NAA11: variants seen among roughly 807,000 people sequenced by gnomAD.
NAA11 encodes N-alpha-acetyltransferase 11.
In NAA11, 15 loss-of-function variants were observed where a neutral mutation model predicts 16.1. The observed-to-expected ratio is 0.93, with a 90% CI of 0.62 to 1.44. NAA11 has a LOEUF of 1.44. NAA11 is among the 40% of genes most tolerant of loss of function. The probability of loss-of-function intolerance (pLI) is 0.00; values close to 1 mark genes in which losing one functional copy is unlikely to be tolerated. For missense variants in NAA11, 298 were observed against 291.3 expected, an observed-to-expected ratio of 1.02 and a Z score of -0.17; for synonymous variants, 122 against 112.4, an observed-to-expected ratio of 1.09 and a Z score of -0.54.
In NAA11 at chr4:79,270,038, G is replaced by T. The variant is rs1200941201; in HGVS notation, c.*122+23967C>A. Among the ~76,000 whole-genome samples, 5 of 151,012 alleles carry T rather than the reference G, an allele frequency of 3.3e-5. No individual in the cohort carries two copies. In the East Asian group the frequency reaches 9.7e-4, roughly 29 times the overall value. ...TAGGTATGCGGCGTTATTTCTGAGG[G>T]CTCTGTTCTGTTCCATTGATCTATA... On this transcript the variant is annotated intron_variant and NMD_transcript_variant, in intron 2 of 2. Coordinates refer to the NAA11 transcript ENST00000511542.
intron 2 of NAA11, among the ~76,000 whole-genome samples, chr4:79,237,971 T>C (rs1721607285): frequency 6.6e-6 from 1 of 152,200 alleles, no homozygotes; most frequent in Non-Finnish European, 1.5e-5. Flanking sequence ...CAAAAAAATC[T>C]TTTTAAAGGC....
chr4:79,215,200 T>C, the NAA11 span, among the ~76,000 whole-genome samples: 1 of 152,214 alleles, frequency 6.6e-6, no homozygotes, highest in Non-Finnish European at 1.5e-5. Flanking sequence ...ACTTAGTCAA[T>C]AGTCCTACTA....
chr4:79,216,153 G>A, the NAA11 span, among the ~76,000 whole-genome samples: 1 of 151,796 alleles, frequency 6.6e-6, no homozygotes, highest in Non-Finnish European at 1.5e-5. Context: ...TAGTCCTTTG[G>A]GGAGCAAGGT....
chr4:79,160,379 T>C, the NAA11 span, among the ~76,000 whole-genome samples: 1 of 152,218 alleles, frequency 6.6e-6, no homozygotes, highest in African/African-American at 2.4e-5. Context: ...TTCAATTCTT[T>C]TGATATATTA....
chr4:79,288,578 T>C (rs982634225), intron 2 of NAA11, among the ~76,000 whole-genome samples: 1 of 152,192 alleles, frequency 6.6e-6, no homozygotes, highest in African/African-American at 2.4e-5. Context: ...TATGTACCAA[T>C]ATACTGGCAT....
the NAA11 span, among the ~76,000 whole-genome samples, chr4:79,160,176 G>A: frequency 6.6e-6 from 1 of 151,964 alleles, no homozygotes; most frequent in African/African-American, 2.4e-5. Context: ...ATTTTTAGTA[G>A]AGATGGGGTT....
At chr4:79,211,024 C>T in the NAA11 span, among the ~76,000 whole-genome samples, 8 of 152,128 alleles carry the variant, frequency 5.3e-5, no homozygotes, top group Non-Finnish European at 1.0e-4. Flanking sequence ...TTTTTGTTTG[C>T]TCAAACTATA....
intron 2 of NAA11, among the ~76,000 whole-genome samples, chr4:79,289,733 C>G (rs1362905661): frequency 6.6e-6 from 1 of 152,188 alleles, no homozygotes; most frequent in Admixed American, 6.5e-5. Context: ...TGTTTTACCT[C>G]AAAATAGTAC....
At chr4:79,322,288 C>T (rs1022824757) in intron 1 of NAA11, among the ~76,000 whole-genome samples, 1 of 152,156 alleles carries the variant, frequency 6.6e-6, no homozygotes, top group Non-Finnish European at 1.5e-5. Context: ...GAAACATTTC[C>T]TTCAACTTAG....
intron 1 of NAA11, chr4:79,299,300 T>C (rs1384736836): frequency 6.6e-6 from 1 of 152,220 alleles, no homozygotes; most frequent in Non-Finnish European, 1.5e-5. Context: ...ATGATGCTTA[T>C]GCCCAACCCT....
chr4:79,252,429 G>A (rs1017944735), intron 2 of NAA11, among the ~76,000 whole-genome samples: 4 of 152,060 alleles, frequency 2.6e-5, no homozygotes, highest in South Asian at 2.1e-4. Flanking sequence ...GAATAAAAGA[G>A]GTTGAGCTCC....
chr4:79,295,995 A>C (rs1334667122), intron 1 of NAA11, among the ~76,000 whole-genome samples: 2 of 152,202 alleles, frequency 1.3e-5, no homozygotes, highest in African/African-American at 2.4e-5. Flanking sequence ...AGCTAATATT[A>C]ATAAATGGAT....
the NAA11 span, among the ~76,000 whole-genome samples, chr4:79,201,332 A>G: frequency 6.6e-6 from 1 of 151,726 alleles, no homozygotes; most frequent in Non-Finnish European, 1.5e-5. Context: ...AAATTTCTCT[A>G]CAGAAATACC....
chr4:79,259,482 CT>C (rs1253513331), intron 2 of NAA11, among the ~76,000 whole-genome samples: 1 of 152,190 alleles, frequency 6.6e-6, no homozygotes, highest in Non-Finnish European at 1.5e-5. Context: ...ACCATGCTCA[CT>C]CACTCACACT....
chr4:79,206,318 T>A, the NAA11 span, among the ~76,000 whole-genome samples: 128 of 152,156 alleles, frequency 8.4e-4, no homozygotes, highest in African/African-American at 3.0e-3. Flanking sequence ...TGTTAAGATA[T>A]GCCACCTCCT....
chr4:79,286,283 TTG>T (rs1389532537), intron 2 of NAA11, among the ~76,000 whole-genome samples: 1 of 152,040 alleles, frequency 6.6e-6, no homozygotes, highest in Admixed American at 6.6e-5. Context: ...AGTATACAAA[TTG>T]TGACACAGTA....
chr4:79,163,613 A>G, the NAA11 span, among the ~76,000 whole-genome samples: 2,435 of 152,234 alleles, frequency 0.016, 39 homozygotes, highest in African/African-American at 0.039. Flanking sequence ...GTTCCCAGGT[A>G]TTTCTGCAGA....
chr4:79,322,008 T>C (rs1232332947), intron 1 of NAA11, among the ~76,000 whole-genome samples: 3 of 152,210 alleles, frequency 2.0e-5, no homozygotes, highest in Non-Finnish European at 2.9e-5. Context: ...TTTTCCCCTC[T>C]ACTCCACATC....
rs1724274376 is a variant in NAA11, at chr4:79,326,053, T to G, written c.-176A>C. ...AAGGAGCAGGAGATGGAAAAGATGG[T>G]GCCAAACTGCGGCTTTCAGAAGTGC... On this transcript the variant is annotated 5_prime_UTR_variant, in exon 1 of 2. Transcript: ENST00000286794. 1.6e-6 allele frequency: 1 copy of G among 610,870 alleles called. No individual in the cohort carries two copies. 37.8% of individuals were successfully genotyped at this position (610,870 alleles called of 1,614,324 possible). A position where few individuals can be genotyped will look rare whatever the true frequency, so the allele number is the denominator to read the frequency against.
Sources: allele counts gnomAD v4.1 joint callset (sites outside exome capture counted in the v4.1 genomes callset), GRCh38; gene constraint gnomAD v4.1.1; transcripts MANE v1.5; gene names NCBI Gene and HGNC (gene_info 2026-07-23, HGNC 2026-07-21).